ROBO2: variants seen among roughly 807,000 people sequenced by gnomAD.
The protein encoded by ROBO2 is roundabout homolog 2.
A neutral mutation model predicts 160.8 loss-of-function variants in ROBO2; 53 were observed. That is an observed-to-expected ratio of 0.33 (90% CI 0.26 to 0.41). The LOEUF (loss-of-function observed/expected upper bound fraction) is 0.41. ROBO2 is among the 10% of genes least tolerant of loss of function. The pLI, the probability that ROBO2 is intolerant of heterozygous loss-of-function variation, is 1.00. For synonymous variants in ROBO2, 664 were observed against 611.7 expected, an observed-to-expected ratio of 1.09 and a Z score of -1.26; for missense variants, 1,577 against 1,722.4, an observed-to-expected ratio of 0.92 and a Z score of 1.49.
rs563933578 is a variant in ROBO2, at chr3:77,201,940, TG to T, written c.388+103603del. ...ACAAAACAAGTTATGGGTGGCCTAA[TG>T]GGTTTTACTAACTTAAAAATTGTAC... On this transcript the variant is annotated intron_variant, in intron 2 of 25. Transcript: ENST00000461745. Among the ~76,000 whole-genome samples, 128 of 152,322 alleles carry T rather than the reference TG, an allele frequency of 8.4e-4. 1 individual carries two copies. The highest frequency in any genetic ancestry group is 2.5e-3 in the Admixed American group (39 of 15,298).
At chr3:76,662,018 T>C (rs920563580) in intron 2 of ROBO2, among the ~76,000 whole-genome samples, 1 of 152,190 alleles carries the variant, frequency 6.6e-6, no homozygotes, top group Admixed American at 6.5e-5. Context: ...AGTGTTTTGT[T>C]AGTCTTAAGA....
At chr3:76,025,210 T>G (rs1424167647) in intron 2 of ROBO2, among the ~76,000 whole-genome samples, 1 of 151,586 alleles carries the variant, frequency 6.6e-6, no homozygotes, top group African/African-American at 2.4e-5. Context: ...GCCAAGATGT[T>G]ATTGTTTTTT....
chr3:77,571,656 A>G (rs1258852434), intron 13 of ROBO2, among the ~76,000 whole-genome samples: 2 of 152,064 alleles, frequency 1.3e-5, no homozygotes. Flanking sequence ...TTAAAAAAAT[A>G]TATAAACCCA....
At chr3:76,335,817 C>T (rs1004262712) in intron 2 of ROBO2, among the ~76,000 whole-genome samples, 2 of 152,148 alleles carry the variant, frequency 1.3e-5, no homozygotes, top group Admixed American at 1.3e-4. Flanking sequence ...ACCTTGTGAT[C>T]CGCCCGCCTC....
rs193300951 is a variant in ROBO2, at chr3:76,103,086, A to G, written c.109+165484A>G. Among the ~76,000 whole-genome samples the G allele has an allele frequency of 5.4e-3, 819 of 152,030 alleles. 11 individuals carry two copies. The highest frequency in any genetic ancestry group is 0.019 in the African/African-American group (793 of 41,498). On this transcript the variant is annotated intron_variant, in intron 2 of 26. Coordinates refer to the ROBO2 transcript ENST00000487694. ...GATCCGCCCGCCTCGGCCTCCCAAA[A>G]TGCTGGGATTACAGGCGTGAGCCAC...
intron 2 of ROBO2, among the ~76,000 whole-genome samples, chr3:76,843,528 T>C (rs1361418511): frequency 6.6e-6 from 1 of 152,056 alleles, no homozygotes; most frequent in Non-Finnish European, 1.5e-5. Context: ...TAATAATAAT[T>C]CCTGCTGCAT....
chr3:76,750,408 A>G (rs1160441145), intron 2 of ROBO2, among the ~76,000 whole-genome samples: 1 of 152,094 alleles, frequency 6.6e-6, no homozygotes, highest in Non-Finnish European at 1.5e-5. Flanking sequence ...GCCCTCTCTC[A>G]CCACTCCTAT....
chr3:76,234,360 C>A (rs1336625966), intron 2 of ROBO2, among the ~76,000 whole-genome samples: 1 of 152,042 alleles, frequency 6.6e-6, no homozygotes, highest in Non-Finnish European at 1.5e-5. Flanking sequence ...TGTTTAGATT[C>A]TTTGAGGAAT....
chr3:76,456,279 T>C (rs1306206593), intron 2 of ROBO2, among the ~76,000 whole-genome samples: 1 of 152,226 alleles, frequency 6.6e-6, no homozygotes, highest in East Asian at 1.9e-4. Flanking sequence ...TGTAGTTACA[T>C]TGATTTTGAT....
At chr3:76,882,330 C>T (rs1283431262) in intron 2 of ROBO2, among the ~76,000 whole-genome samples, 3 of 152,058 alleles carry the variant, frequency 2.0e-5, no homozygotes, top group Admixed American at 2.0e-4. Flanking sequence ...CTTAGTGTCA[C>T]ATTCAAAATC....
intron 2 of ROBO2, among the ~76,000 whole-genome samples, chr3:76,161,873 C>T (rs1353580133): frequency 6.6e-6 from 1 of 152,148 alleles, no homozygotes; most frequent in East Asian, 1.9e-4. Flanking sequence ...AGCTGTCATA[C>T]ATCATACTGC....
chr3:76,992,885 C>T (rs6548471), intron 2 of ROBO2, among the ~76,000 whole-genome samples: 77,795 of 151,988 alleles, frequency 0.51, 20,545 homozygotes, highest in East Asian at 0.8. Flanking sequence ...TGGCAAAATC[C>T]TGGCTCACTG....
chr3:77,601,982 G>A (rs892145215), intron 19 of ROBO2, among the ~76,000 whole-genome samples: 2 of 152,198 alleles, frequency 1.3e-5, no homozygotes, highest in Non-Finnish European at 2.9e-5. Context: ...ATAGGGGGAA[G>A]GGTGTTTTAA....
chr3:76,504,508 T>C (rs1457459301), intron 2 of ROBO2, among the ~76,000 whole-genome samples: 2 of 150,006 alleles, frequency 1.3e-5, no homozygotes, highest in Admixed American at 6.7e-5. Context: ...TCAGTAAGCT[T>C]AGAAAATACT....
chr3:76,954,490 A>G (rs2079132553), intron 2 of ROBO2, among the ~76,000 whole-genome samples: 1 of 152,208 alleles, frequency 6.6e-6, no homozygotes, highest in African/African-American at 2.4e-5. Flanking sequence ...CATTACTTCT[A>G]ACACTATGTC....
chr3:76,343,535 G>A (rs2074353523), intron 2 of ROBO2, among the ~76,000 whole-genome samples: 1 of 151,524 alleles, frequency 6.6e-6, no homozygotes, highest in Admixed American at 6.6e-5. Flanking sequence ...ATGCTCTCAG[G>A]TTAGTGCAAA....
chr3:76,059,614 G>A (rs1012082478), intron 2 of ROBO2, among the ~76,000 whole-genome samples: 2 of 152,112 alleles, frequency 1.3e-5, no homozygotes, highest in African/African-American at 4.8e-5. Context: ...TGTTCACTCT[G>A]ATGGTAGTTT....
chr3:76,410,893 A>G (rs2075452207), intron 2 of ROBO2, among the ~76,000 whole-genome samples: 1 of 152,194 alleles, frequency 6.6e-6, no homozygotes, highest in South Asian at 2.1e-4. Context: ...TGAATTAGTA[A>G]GAAGTAGGAT....
intron 2 of ROBO2, among the ~76,000 whole-genome samples, chr3:76,545,736 CTTAAT>C (rs1038310741): frequency 2.6e-5 from 4 of 151,712 alleles, no homozygotes; most frequent in African/African-American, 9.7e-5. Context: ...TTTGTATTTT[CTTAAT>C]TTATCTTATA....
Sources: allele counts gnomAD v4.1 joint callset (sites outside exome capture counted in the v4.1 genomes callset), GRCh38; gene constraint gnomAD v4.1.1; transcripts MANE v1.5; gene names NCBI Gene and HGNC (gene_info 2026-07-23, HGNC 2026-07-21).